The following TCF20 variants were observed in gnomAD, a reference collection of about 807,000 sequenced individuals.
TCF20 encodes transcription factor 20.
Under a neutral mutation model 148.6 loss-of-function variants are expected in TCF20, and 3 were observed. That is an observed-to-expected ratio of 0.02 (90% CI 0.01 to 0.05). The LOEUF (loss-of-function observed/expected upper bound fraction) is 0.05, where lower values mean the gene tolerates loss of function less well. TCF20 is among the 10% of genes least tolerant of loss of function. TCF20 has a pLI of 1.00. For missense variants in TCF20, 2,350 were observed against 2,429.3 expected (o/e 0.97, Z 0.69); for synonymous variants, 1,049 against 909.5 (o/e 1.15, Z -2.76).
intron 1 of TCF20, among the ~76,000 whole-genome samples, chr22:42,252,700 C>A (rs1330410552): frequency 6.6e-6 from 1 of 152,190 alleles, no homozygotes; most frequent in African/African-American, 2.4e-5. Flanking sequence ...CCGCTGCTCA[C>A]CTCGGCCTCC....
At chr22:42,225,107 T>C (rs1268306941) in intron 1 of TCF20, among the ~76,000 whole-genome samples, 1 of 151,008 alleles carries the variant, frequency 6.6e-6, no homozygotes, top group African/African-American at 2.4e-5. Context: ...GCAATTCTCC[T>C]GCCTCAGCCT....
chr22:42,188,813 G>A (rs1227579164), intron 2 of TCF20, among the ~76,000 whole-genome samples: 1 of 152,100 alleles, frequency 6.6e-6, no homozygotes, highest in Non-Finnish European at 1.5e-5. Context: ...GCTGAAATGG[G>A]GAGCCAAAAG....
upstream of TCF20, among the ~76,000 whole-genome samples, chr22:42,286,329 T>C (rs543269443): frequency 1.3e-5 from 2 of 152,260 alleles, no homozygotes; most frequent in African/African-American, 4.8e-5. Context: ...GAACAGTGAA[T>C]TGAAGAACTG....
intron 1 of TCF20, among the ~76,000 whole-genome samples, chr22:42,296,808 C>A (rs1405713932): frequency 1.3e-5 from 2 of 152,254 alleles, no homozygotes; most frequent in Admixed American, 6.5e-5. Flanking sequence ...ACCCAGGAGG[C>A]CCCGTCGCCA....
At position 42,314,541 on chromosome 22, in the gene TCF20, G is replaced by C. The variant is rs930681522; in HGVS notation, c.-37+28938C>G. On this transcript the variant is annotated intron_variant, in intron 1 of 1. Coordinates refer to the TCF20 transcript ENST00000515426. ...CTGACCCAGCTGCTTCCCAGAGCCG[G>C]GGAGCTAGCAATTACCAGGCGGGAA... 7.2e-5 allele frequency among the ~76,000 whole-genome samples: 11 copies of C among 152,328 alleles called. No individual in the cohort carries two copies. The South Asian group carries it at 8.3e-4, about 11-fold the overall frequency.
chr22:42,168,395 A>AC (rs1280614652), intron 5 of TCF20, among the ~76,000 whole-genome samples: 2 of 152,134 alleles, frequency 1.3e-5, no homozygotes, highest in African/African-American at 2.4e-5. Context: ...GTCACCCTGC[A>AC]CCCCATTGGC....
chr22:42,210,636 G>A lies in TCF20; in HGVS notation c.4670C>T (p.Pro1557Leu), dbSNP rs199838890. ...VNKQKKQQQP[P>L]PPPPQPPQIP... is the part of the protein sequence containing the mutation. ...CTGTGGGGGCTGAGGGGGTGGAGGC[G>A]GTGGCTGCTGCTGTTTCTTTTGCTT... Residue 1557 changes from proline (P) to leucine (L), a missense_variant, in exon 2 of 6, where the codon CCG becomes CTG. Pro to Leu is a moderately conservative substitution (Grantham distance 98). Around this residue, in one of 7 missense-constraint regions of TCF20, gnomAD observed 374 missense variants for 398.3 expected, o/e 0.94. Transcript: ENST00000677622. This position sits in a 1 kb window ranked among gnomAD's most constrained non-coding sequence, Gnocchi z 4.7. 2,099 of 1,614,132 alleles carry A rather than the reference G, an allele frequency of 1.3e-3. 11 individuals are homozygous for A. The highest frequency in any genetic ancestry group is 1.4e-3 in the South Asian group (127 of 91,064).
In TCF20 at chr22:42,215,298, G is replaced by GACT; in HGVS notation, c.5_7dup (p.Gln2_Ser3insTer). ...GTGGTAACTGCTTTGCTCCCGAAAG[G>GACT]ACTGCATACTGTTCAGCAGCACAGC... On this transcript the variant is annotated stop_gained, in exon 2 of 6. Transcript: ENST00000677622. LOFTEE classifies it high-confidence loss of function. The GACT allele has an allele frequency of 6.2e-7, 1 of 1,612,206 alleles. No individual in the cohort carries two copies.
chr22:42,174,084 T>C (rs781356300), intron 3 of TCF20, among the ~76,000 whole-genome samples: 18 of 152,104 alleles, frequency 1.2e-4, no homozygotes, highest in Non-Finnish European at 1.9e-4. Flanking sequence ...AAGCTTCCAC[T>C]AGAGGAGAGG....
At chr22:42,202,351 C>T (rs1938088342) in intron 2 of TCF20, among the ~76,000 whole-genome samples, 1 of 152,240 alleles carries the variant, frequency 6.6e-6, no homozygotes, top group Admixed American at 6.5e-5. Flanking sequence ...AAGAGCAACA[C>T]ATTTAATCCT....
At chr22:42,167,445 T>C (rs1234730546) in intron 5 of TCF20, among the ~76,000 whole-genome samples, 1 of 152,200 alleles carries the variant, frequency 6.6e-6, no homozygotes, top group African/African-American at 2.4e-5. Context: ...TTGAGAGAAA[T>C]GACCCCTCAA....
intron 1 of TCF20, among the ~76,000 whole-genome samples, chr22:42,296,750 G>C (rs1601697303): frequency 6.6e-6 from 1 of 152,242 alleles, no homozygotes; most frequent in Non-Finnish European, 1.5e-5. Context: ...GGGCCCTGCT[G>C]ATGCCAGCCC....
intron 4 of TCF20, among the ~76,000 whole-genome samples, chr22:42,169,247 C>T (rs1298454303): frequency 6.6e-6 from 1 of 152,098 alleles, no homozygotes; most frequent in Non-Finnish European, 1.5e-5. Context: ...ACCCTCCCCA[C>T]ACACATATGT....
intron 1 of TCF20, among the ~76,000 whole-genome samples, chr22:42,269,531 C>G (rs1313955026): frequency 1.3e-5 from 2 of 152,218 alleles, no homozygotes; most frequent in African/African-American, 4.8e-5. Flanking sequence ...CCCGCCGTAG[C>G]CTGAGAGGGA....
At chr22:42,175,960 AATTTTTTGT>A (rs531485528) in intron 3 of TCF20, among the ~76,000 whole-genome samples, 234 of 150,990 alleles carry the variant, frequency 1.5e-3, no homozygotes, top group African/African-American at 5.4e-3. Flanking sequence ...ACGCCTGGCT[AATTTTTTGT>A]ATTTTTTGTA....
At position 42,212,242 on chromosome 22, in the gene TCF20, G is replaced by T. The variant is rs1426050114; in HGVS notation, c.3064C>A (p.Arg1022=). ...GGGTCTCCCCCTGGGCCTCTGCTCC[G>T]CCCAGGAGACATTTTCAATTTTTCT... ...FAEKLKMSPG[R]SRGPGGDPHH... The change falls in exon 2 of 6, where the codon CGG becomes AGG. Residue 1022 remains arginine, a synonymous_variant. Coordinates refer to ENST00000677622, the MANE Select transcript of TCF20 (RefSeq NM_001378418.1). 6.2e-7 allele frequency: 1 copy of T among 1,614,126 alleles called. No homozygotes were observed.
rs539913249 is a variant in TCF20, at chr22:42,302,090, C to T, written c.-37+41389G>A. Among the ~76,000 whole-genome samples the T allele has an allele frequency of 3.3e-5, 5 of 152,322 alleles. No homozygotes were observed. In the South Asian group the frequency reaches 1.0e-3, roughly 32 times the overall value. On this transcript the variant is annotated intron_variant, in intron 1 of 1. Transcript: ENST00000515426. ...AGAGCAAGAGCCGGCAAAGGAGGGA[C>T]AGCTAATGGGACAGGAGGCAAAGGG...
intron 2 of TCF20, among the ~76,000 whole-genome samples, chr22:42,205,130 C>A (rs1337662072): frequency 3.9e-5 from 6 of 152,168 alleles, no homozygotes; most frequent in African/African-American, 7.2e-5. Context: ...ATATCCATAC[C>A]CATTCAGAGG....
intron 1 of TCF20, among the ~76,000 whole-genome samples, chr22:42,312,698 C>T (rs1927557645): frequency 6.6e-6 from 1 of 152,152 alleles, no homozygotes; most frequent in Non-Finnish European, 1.5e-5. Context: ...CCGGTCACCC[C>T]CCATCCCTGC....
Sources: gnomAD v4.1 joint callset for allele counts (sites outside exome capture counted in the v4.1 genomes callset) on GRCh38, gnomAD v4.1.1 for gene constraint, gnomAD v4.1.1 regional missense constraint, Gnocchi (gnomAD v3.1) non-coding constraint, MANE v1.5 for transcripts, NCBI Gene and HGNC (gene_info 2026-07-23, HGNC 2026-07-21) for gene names.